SF1: variants seen among roughly 807,000 people sequenced by gnomAD.
SF1 encodes the protein splicing factor 1.
A neutral mutation model predicts 62.5 loss-of-function variants in SF1; 7 were observed. That is an observed-to-expected ratio of 0.11 (90% CI 0.06 to 0.21). SF1 has a LOEUF of 0.21. Among genes scored for constraint, SF1 ranks in the 10% least tolerant of loss-of-function variants. The pLI is 1.00. For missense variants in SF1, 578 were observed against 884.0 expected (o/e 0.65, Z 4.39); for synonymous variants, 394 against 323.6 (o/e 1.22, Z -2.33).
chr11:64,768,341 A>G (rs1044790836), intron 8 of SF1, 55 bp from the exon 9 acceptor site: 1 of 1,552,462 alleles, frequency 6.4e-7, no homozygotes, highest in African/African-American at 1.4e-5. Context: ...GTTAAGAAGG[A>G]AGCTTTTATC....
chr11:64,769,003 G>GC lies in SF1; in HGVS notation c.887+18dup, dbSNP rs1937850858. 6.4e-7 allele frequency: 1 copy of GC among 1,566,252 alleles called. No individual in the cohort carries two copies. The highest frequency in any genetic ancestry group is 8.8e-7 in the Non-Finnish European group (1 of 1,136,396). ...GCACATCGCAGGCTACCAGGAAACC[G>GC]CAAGAGCCAGCCCCTCACCTTTGGA... is the stretch of plus-strand genomic sequence containing the variant. On this transcript the variant is annotated intron_variant, in intron 8 of 12. Transcript: ENST00000377390.
Position 64,767,949 on chromosome 11 carries a change from C to G in SF1, c.1069-105G>C, listed in dbSNP as rs567814245. On this transcript the variant is annotated intron_variant, in intron 9 of 12. Transcript: ENST00000377390. ...CCAGAACACAAGAACAAGGTCTTCC[C>G]GAAGTGAGAAGTCCCCAAACTGGCC... is the stretch of plus-strand genomic sequence containing the variant. 1.1e-4 allele frequency: 165 copies of G among 1,495,044 alleles called. 1 individual carries two copies. The East Asian group carries it at 3.7e-3, about 34-fold the overall frequency. 92.6% of individuals were successfully genotyped at this position (1,495,044 alleles called of 1,614,324 possible). A position where few individuals can be genotyped will look rare whatever the true frequency, so the allele number is the denominator to read the frequency against.
intron 8 of SF1, among the ~76,000 whole-genome samples, chr11:64,768,804 A>C (rs937229409): frequency 6.6e-6 from 1 of 152,204 alleles, no homozygotes; most frequent in Non-Finnish European, 1.5e-5. Context: ...AACATACCCA[A>C]AATGGAAACT....
Position 64,765,846 on chromosome 11 carries a change from G to A in SF1, c.1892C>T (p.Ala631Val). The A allele has an allele frequency of 6.4e-7, 1 of 1,555,530 alleles. No individual in the cohort carries two copies. The highest frequency in any genetic ancestry group is 1.9e-4 in the Middle Eastern group (1 of 5,204). The change falls in exon 13 of 13, where the codon GCT becomes GTT. Residue 631 changes from alanine (A) to valine (V), a missense_variant. By Grantham distance (64) the Ala-to-Val change is moderately conservative. Transcript: ENST00000377390. ...GTTCTGTGGTGGAGGCGGTGGGGGAGCTGGAGGCATCCCGAAGGGCGGCAT... is the reference window on the plus strand; with the variant it reads ...GTTCTGTGGTGGAGGCGGTGGGGGAACTGGAGGCATCCCGAAGGGCGGCAT... The part of the protein sequence containing the change: ...AGMPPFGMPP[A>V]PPPPPPQN
At chr11:64,772,397 A>G (rs753541618) in intron 3 of SF1, 27 of 984,856 alleles carry the variant, frequency 2.7e-5, no homozygotes, top group Middle Eastern at 5.2e-4. Flanking sequence ...TATAGGTAAA[A>G]TATAGCAAAT....
rs1281765515 is a variant in SF1, at chr11:64,772,433, T to C, written c.236+997A>G. The C allele has an allele frequency of 8.1e-6, 8 of 984,900 alleles. No individual in the cohort carries two copies. The East Asian group carries it at 7.9e-4, about 98-fold the overall frequency. 61.0% of individuals were successfully genotyped at this position (984,900 alleles called of 1,614,324 possible). A position where few individuals can be genotyped will look rare whatever the true frequency, so the allele number is the denominator to read the frequency against. ...GTAGTAAGTCAAATTAAAGAGTCAATATGGAGAAACAAGGAAGTTAATGTT... is the reference window on the plus strand; with the variant it reads ...GTAGTAAGTCAAATTAAAGAGTCAACATGGAGAAACAAGGAAGTTAATGTT... On this transcript the variant is annotated intron_variant, in intron 3 of 12. Coordinates refer to ENST00000377390, the MANE Select transcript of SF1 (RefSeq NM_004630.4).
At chr11:64,775,434 T>C (rs1369679707) in intron 2 of SF1, among the ~76,000 whole-genome samples, 2 of 152,104 alleles carry the variant, frequency 1.3e-5, no homozygotes, top group African/African-American at 4.8e-5. Flanking sequence ...CACAATGGAA[T>C]GGGTGGGAGT....
At chr11:64,777,903 A>T in intron 1 of SF1, 1 of 946,490 alleles carries the variant, frequency 1.1e-6, no homozygotes, top group Non-Finnish European at 1.3e-6. Context: ...TGCCGCGTGC[A>T]GCCGCCGTCG....
Position 64,765,788 on chromosome 11 carries a change from A to T in SF1, c.*30T>A. ...TTTAAACGAGACCAATTCTCTCTAT[A>T]TATAATATATATTTTCTTAAAAAAC... On this transcript the variant is annotated 3_prime_UTR_variant, in exon 13 of 13. Transcript: ENST00000377390. The T allele has an allele frequency of 6.6e-7, 1 of 1,518,276 alleles. No individual in the cohort carries two copies. Among genetic ancestry groups the T allele is most frequent in the Non-Finnish European group, 8.8e-7 (1 of 1,135,028 alleles). The allele number at this position is 1,518,276 out of a possible 1,614,324, so 94.1% of individuals were successfully genotyped here.
chr11:64,765,224 G>A lies in SF1; in HGVS notation c.*594C>T. Reference sequence around the variant, plus strand: ...TTGGTAAGGGAAGGAGAACTGGAGAGAAGGGAAAGGAATCTAAATTGCAGC... The same window carrying A: ...TTGGTAAGGGAAGGAGAACTGGAGAAAAGGGAAAGGAATCTAAATTGCAGC... On this transcript the variant is annotated 3_prime_UTR_variant, in exon 13 of 13. Transcript: ENST00000377390. 1 of 449,728 alleles carries A rather than the reference G, an allele frequency of 2.2e-6. No homozygotes were observed. 27.9% of individuals were successfully genotyped at this position (449,728 alleles called of 1,614,324 possible). A position where few individuals can be genotyped will look rare whatever the true frequency, so the allele number is the denominator to read the frequency against.
rs1939728842 is a variant in SF1 at position 64,778,241 on chromosome 11, G to T, written c.31+121C>A. 2.8e-5 allele frequency: 34 copies of T among 1,199,940 alleles called. 1 individual carries two copies. The East Asian group carries it at 1.2e-3, about 41-fold the overall frequency. The allele number at this position is 1,199,940 out of a possible 1,614,324, so 74.3% of individuals were successfully genotyped here. A position where few individuals can be genotyped will look rare whatever the true frequency, so the allele number is the denominator to read the frequency against. ...CAGGGCCCCCATCGAGCCCACGGGC[G>T]GGGGCGGCGGCGGCCCGGGAGCCAG... is the stretch of plus-strand genomic sequence containing the variant. On this transcript the variant is annotated intron_variant, in intron 1 of 12. Coordinates refer to ENST00000377390, the MANE Select transcript of SF1 (RefSeq NM_004630.4).
In SF1 at chr11:64,778,421, T is replaced by G. The variant is rs963070077; in HGVS notation, c.-29A>C. On this transcript the variant is annotated 5_prime_UTR_variant, in exon 1 of 13. Coordinates refer to ENST00000377390, the MANE Select transcript of SF1 (RefSeq NM_004630.4). The stretch of plus-strand genomic sequence containing the variant: ...GCCCCCGGGGACAGGCACCGGCACC[T>G]GCTTTTCCTCTGCGGCGGCTTCTCC... 6.5e-6 allele frequency: 8 copies of G among 1,223,292 alleles called. No individual in the cohort carries two copies. Among genetic ancestry groups the G allele is most frequent in the Non-Finnish European group, 8.2e-6 (8 of 981,410 alleles). 75.8% of individuals were successfully genotyped at this position (1,223,292 alleles called of 1,614,324 possible).
intron 2 of SF1, among the ~76,000 whole-genome samples, chr11:64,774,360 G>A (rs1938806821): frequency 6.6e-6 from 1 of 152,192 alleles, no homozygotes; most frequent in Admixed American, 6.5e-5. Context: ...TTTCACAAAA[G>A]TTGCCAGTGA....
At chr11:64,776,853 C>T (rs1442843669) in intron 1 of SF1, among the ~76,000 whole-genome samples, 1 of 152,170 alleles carries the variant, frequency 6.6e-6, no homozygotes. Context: ...TAACATTTCA[C>T]CTTCTTTTGT....
chr11:64,773,390 TA>T, intron 3 of SF1, 39 bp downstream of exon 3: 1 of 1,605,948 alleles, frequency 6.2e-7, no homozygotes, highest in Non-Finnish European at 8.5e-7. Flanking sequence ...GAGAAAAAGG[TA>T]AAAGCGTTAC....
In SF1 at chr11:64,778,452, A is replaced by C. The variant is rs1939780143; in HGVS notation, c.-60T>G. The C allele has an allele frequency of 2.5e-6, 3 of 1,210,360 alleles. No individual in the cohort carries two copies. The African/African-American group carries it at 4.8e-5, about 19-fold the overall frequency. The allele number at this position is 1,210,360 out of a possible 1,614,324, so 75.0% of individuals were successfully genotyped here. A position where few individuals can be genotyped will look rare whatever the true frequency, so the allele number is the denominator to read the frequency against. On this transcript the variant is annotated 5_prime_UTR_variant, in exon 1 of 13. Coordinates refer to ENST00000377390, the MANE Select transcript of SF1 (RefSeq NM_004630.4). Reference sequence around the variant, plus strand: ...TCCTCTGCGGCGGCTTCTCCTTCGCAAGCCTCCCGGGGGGAGGGGACCCGA... The same window carrying C: ...TCCTCTGCGGCGGCTTCTCCTTCGCCAGCCTCCCGGGGGGAGGGGACCCGA...
At chr11:64,767,171 C>T in intron 11 of SF1, 21 bp downstream of exon 11, 1 of 1,613,918 alleles carries the variant, frequency 6.2e-7, no homozygotes, top group Non-Finnish European at 8.5e-7. Flanking sequence ...TGAAGACCCA[C>T]AGCCAGCAGA....
chr11:64,777,784 G>A lies in SF1; in HGVS notation c.31+578C>T, dbSNP rs553207244. The A allele has an allele frequency of 4.8e-4, 241 of 505,736 alleles. 1 individual carries two copies. The African/African-American group carries it at 8.2e-3, about 17-fold the overall frequency. 31.3% of individuals were successfully genotyped at this position (505,736 alleles called of 1,614,324 possible). On this transcript the variant is annotated intron_variant, in intron 1 of 12. Transcript: ENST00000377390. ...TCTGCGCACAGAGCGCCTCCCGCCCGCCCAGCCCTCCCCCCACAGCGCGCG... is the reference window on the plus strand; with the variant it reads ...TCTGCGCACAGAGCGCCTCCCGCCCACCCAGCCCTCCCCCCACAGCGCGCG...
chr11:64,770,471 T>C, intron 3 of SF1, 63 bp from the exon 4 acceptor site: 2 of 1,566,046 alleles, frequency 1.3e-6, no homozygotes, highest in Non-Finnish European at 1.7e-6. Flanking sequence ...ACACGGACTA[T>C]AACAAGTCTT....
Sources: allele counts gnomAD v4.1 joint callset (sites outside exome capture counted in the v4.1 genomes callset), GRCh38; gene constraint gnomAD v4.1.1; transcripts MANE v1.5; gene names NCBI Gene and HGNC (gene_info 2026-07-23, HGNC 2026-07-21).